AHDC1: variants seen among roughly 807,000 people sequenced by gnomAD.
AHDC1 encodes the protein transcription factor Gibbin.
AHDC1 carries 7 observed loss-of-function variants against 87.9 expected under a neutral mutation model. The observed-to-expected ratio is 0.08, with a 90% CI of 0.05 to 0.15. The LOEUF (loss-of-function observed/expected upper bound fraction) is 0.15. AHDC1 is among the 10% of genes least tolerant of loss of function. The pLI is 1.00. For missense variants in AHDC1, 1,841 were observed against 2,253.2 expected (o/e 0.82, Z 3.70); for synonymous variants, 1,051 against 1,006.8 (o/e 1.04, Z -0.83).
chr1:27,552,390 C>T, intron 7 of AHDC1: 1 of 411,264 alleles, frequency 2.4e-6, no homozygotes, highest in East Asian at 3.8e-5. Flanking sequence ...CCCTCATGGG[C>T]CCAGTTTCAC....
chr1:27,548,863 C>T lies in AHDC1; in HGVS notation c.3253G>A (p.Ala1085Thr), dbSNP rs751740211. The T allele has an allele frequency of 4.8e-5, 77 of 1,612,342 alleles. No individual in the cohort carries two copies. Among genetic ancestry groups the T allele is most frequent in the Non-Finnish European group, 6.1e-5 (72 of 1,179,678 alleles). Residue 1085 changes from alanine (A) to threonine (T), a missense_variant, in exon 8 of 9, where the codon GCC becomes ACC. Transcript: ENST00000673934. Reference protein sequence around the residue: ...TASATSAASAASSSSSSFQPS... With the variant: ...TASATSAASATSSSSSSFQPS... Reference sequence around the variant, plus strand: ...TGGAAGGAGGAGGAGGAGGAGGAGGCGGCAGAGGCTGCAGAGGTGGCAGAG... The same window carrying T: ...TGGAAGGAGGAGGAGGAGGAGGAGGTGGCAGAGGCTGCAGAGGTGGCAGAG...
chr1:27,570,328 C>T (rs1465308354), intron 3 of AHDC1, among the ~76,000 whole-genome samples: 3 of 151,932 alleles, frequency 2.0e-5, no homozygotes, highest in African/African-American at 4.8e-5. Flanking sequence ...CAGACCATCG[C>T]CCCCCACCCC....
intron 5 of AHDC1, among the ~76,000 whole-genome samples, chr1:27,557,053 T>C (rs374198371): frequency 1.4e-4 from 17 of 123,956 alleles, no homozygotes; most frequent in African/African-American, 4.2e-4. Flanking sequence ...CAGAGCTCCT[T>C]TGTGCAACCC....
chr1:27,537,598 T>C (rs991660897), intron 8 of AHDC1, among the ~76,000 whole-genome samples: 2 of 152,162 alleles, frequency 1.3e-5, no homozygotes, highest in East Asian at 1.9e-4. Context: ...CCTGTTACCA[T>C]AGCTACGGTA....
rs1216377590 is a variant in AHDC1, at chr1:27,547,675, C to T, written c.4441G>A (p.Gly1481Ser). 6.3e-7 allele frequency: 1 copy of T among 1,595,394 alleles called. No homozygotes were observed. The part of the protein sequence containing the change: ...GSAARSPPYE[G>S]KVGTGLLADF... The stretch of plus-strand genomic sequence containing the variant: ...GCCAGCAGCCCTGTACCCACCTTGC[C>T]TTCATAGGGCGGGCTGCGGGCAGCT... The change falls in exon 8 of 9, where the codon GGC becomes AGC. Residue 1481 changes from glycine (G) to serine (S), a missense_variant. Physicochemically the swap from Gly to Ser is moderately conservative, Grantham distance 56. Around this residue, in one of 13 missense-constraint regions of AHDC1, gnomAD observed 505 missense variants for 626.2 expected, o/e 0.81. Coordinates refer to ENST00000673934, the MANE Select transcript of AHDC1 (RefSeq NM_001371928.1). The surrounding 1 kb of genome is among the most constrained non-coding windows in gnomAD (Gnocchi z 4.9).
At chr1:27,587,866 G>A (rs1379280769) in intron 3 of AHDC1, among the ~76,000 whole-genome samples, 1 of 152,134 alleles carries the variant, frequency 6.6e-6, no homozygotes. Context: ...ACTCAGCTCA[G>A]GAACTGGAAC....
chr1:27,571,495 T>C (rs2088509314), intron 3 of AHDC1, among the ~76,000 whole-genome samples: 1 of 151,150 alleles, frequency 6.6e-6, no homozygotes, highest in Non-Finnish European at 1.5e-5. Context: ...ACAGGCTTCC[T>C]GGAGGCCCCC....
chr1:27,541,001 T>TAAAAA (rs55912405), intron 8 of AHDC1, among the ~76,000 whole-genome samples: 29 of 72,338 alleles, frequency 4.0e-4, no homozygotes, highest in Middle Eastern at 9.4e-3. Context: ...CTAAAAATGC[T>TAAAAA]AAAAAAAAAA....
intron 3 of AHDC1, among the ~76,000 whole-genome samples, chr1:27,576,117 C>T (rs1050855666): frequency 1.6e-4 from 25 of 152,330 alleles, no homozygotes; most frequent in African/African-American, 6.0e-4. Flanking sequence ...ACTGGCGGCC[C>T]GGCGCTCCCT....
At chr1:27,587,723 C>T (rs916887563) in intron 3 of AHDC1, among the ~76,000 whole-genome samples, 2 of 152,128 alleles carry the variant, frequency 1.3e-5, no homozygotes, top group South Asian at 2.1e-4. Context: ...ATCTGATGTC[C>T]CCCCATGTCC....
chr1:27,578,596 AAAAG>A (rs2088822941), intron 3 of AHDC1, among the ~76,000 whole-genome samples: 2 of 152,188 alleles, frequency 1.3e-5, no homozygotes, highest in Admixed American at 6.5e-5. Flanking sequence ...CTCAAAAAAA[AAAAG>A]AAAGATAAAT....
intron 3 of AHDC1, among the ~76,000 whole-genome samples, chr1:27,576,521 TG>T (rs1020806574): frequency 2.0e-5 from 3 of 152,228 alleles, no homozygotes; most frequent in African/African-American, 7.2e-5. Context: ...ATCCCCTTTT[TG>T]TTAATGAGAA....
intron 8 of AHDC1, among the ~76,000 whole-genome samples, chr1:27,535,625 G>A (rs2018605395): frequency 6.6e-6 from 1 of 152,066 alleles, no homozygotes; most frequent in Non-Finnish European, 1.5e-5. Context: ...TCCTTAGAGA[G>A]GTGAGGTGAG....
chr1:27,550,828 G>T lies in AHDC1; in HGVS notation c.1288C>A (p.Pro430Thr), dbSNP rs1357808992. Reference protein sequence around the residue: ...TGLVAALAEPPPPPPPPPPAL... With the variant: ...TGLVAALAEPTPPPPPPPPAL... Reference sequence around the variant, plus strand: ...GGGGGTGGAGGAGGCGGTGGTGGTGGGGGTTCGGCCAGGGCAGCCACCAGC... The same window carrying T: ...GGGGGTGGAGGAGGCGGTGGTGGTGTGGGTTCGGCCAGGGCAGCCACCAGC... Residue 430 changes from proline to threonine, a missense_variant, in exon 8 of 9, where the codon CCA becomes ACA. Coordinates refer to ENST00000673934, the MANE Select transcript of AHDC1 (RefSeq NM_001371928.1). 3.2e-6 allele frequency: 5 copies of T among 1,565,566 alleles called. No homozygotes were observed. The East Asian group carries it at 7.1e-5, about 22-fold the overall frequency.
chr1:27,597,148 T>C (rs12135264), intron 3 of AHDC1, among the ~76,000 whole-genome samples: 1 of 151,028 alleles, frequency 6.6e-6, no homozygotes, highest in Non-Finnish European at 1.5e-5. Flanking sequence ...AGTATGGGGG[T>C]GGGGGGCAGG....
intron 3 of AHDC1, among the ~76,000 whole-genome samples, chr1:27,566,111 G>A (rs1423877388): frequency 6.6e-6 from 1 of 152,176 alleles, no homozygotes; most frequent in Non-Finnish European, 1.5e-5. Flanking sequence ...AATAGAGTAA[G>A]GAGAACTGAA....
chr1:27,544,511 A>C (rs2019078122), intron 8 of AHDC1, among the ~76,000 whole-genome samples: 1 of 152,152 alleles, frequency 6.6e-6, no homozygotes, highest in African/African-American at 2.4e-5. Context: ...ACTAAGCTCA[A>C]CTGCTGCTTC....
chr1:27,602,340 A>G (rs2089552367), intron 3 of AHDC1, among the ~76,000 whole-genome samples: 1 of 152,128 alleles, frequency 6.6e-6, no homozygotes, highest in East Asian at 1.9e-4. Flanking sequence ...CCGGCCAGCA[A>G]GGCCCACATC....
rs1357539478 is a variant in AHDC1, at chr1:27,550,143, A to C, written c.1973T>G (p.Phe658Cys). 7.4e-6 allele frequency: 12 copies of C among 1,610,766 alleles called. No homozygotes were observed. The highest frequency in any genetic ancestry group is 1.0e-5 in the Non-Finnish European group (12 of 1,179,900). The change falls in exon 8 of 9, where the codon TTC (phenylalanine) becomes TGC (cysteine). Residue 658 changes from phenylalanine (F) to cysteine (C), a missense_variant. By Grantham distance (205) the Phe-to-Cys change is radical (BLOSUM62 -2). Transcript: ENST00000673934. ...QAPDTQSISH[F>C]LHRVQGFRRR... The stretch of plus-strand genomic sequence containing the variant: ...CCGGAAGCCCTGCACACGATGCAGG[A>C]AGTGGGAGATGCTCTGGGTGTCGGG...
Sources: gnomAD v4.1 joint callset for allele counts (sites outside exome capture counted in the v4.1 genomes callset) on GRCh38, gnomAD v4.1.1 for gene constraint, gnomAD v4.1.1 regional missense constraint, Gnocchi (gnomAD v3.1) non-coding constraint, MANE v1.5 for transcripts, NCBI Gene and HGNC (gene_info 2026-07-23, HGNC 2026-07-21) for gene names.